The following ITGA1 variants were observed in gnomAD, a reference collection of about 807,000 sequenced individuals.
ITGA1 encodes the protein integrin alpha-1.
A neutral mutation model predicts 145.9 loss-of-function variants in ITGA1; 85 were observed. The observed-to-expected ratio is 0.58, with a 90% CI of 0.49 to 0.70. The LOEUF (loss-of-function observed/expected upper bound fraction) is 0.70. ITGA1 is among the 30% of genes least tolerant of loss of function. ITGA1 has a pLI of 0.00. For missense variants in ITGA1, 1,351 were observed against 1,418.7 expected (o/e 0.95, Z 0.77); for synonymous variants, 520 against 495.3 (o/e 1.05, Z -0.66).
intron 1 of ITGA1, among the ~76,000 whole-genome samples, chr5:52,812,861 A>G (rs1580041068): frequency 7.8e-6 from 1 of 128,858 alleles, no homozygotes; most frequent in African/African-American, 3.1e-5. Flanking sequence ...TGGAAATATG[A>G]TGCAGAAGAT....
At chr5:52,849,638 C>G (rs1749398489) in intron 2 of ITGA1, among the ~76,000 whole-genome samples, 153 bp downstream of exon 2, 1 of 140,024 alleles carries the variant, frequency 7.1e-6, no homozygotes, top group Non-Finnish European at 1.5e-5. Flanking sequence ...TGGAAGCTAA[C>G]TTAAAGTAAA....
intron 15 of ITGA1, among the ~76,000 whole-genome samples, chr5:52,916,311 A>G (rs1432912231): frequency 6.6e-6 from 1 of 152,036 alleles, no homozygotes; most frequent in Admixed American, 6.5e-5. Context: ...AAATTTCATT[A>G]AGAAATATAA....
chr5:52,795,459 C>T (rs1373076882), intron 1 of ITGA1, among the ~76,000 whole-genome samples: 1 of 151,932 alleles, frequency 6.6e-6, no homozygotes, highest in Non-Finnish European at 1.5e-5. Context: ...TTCCATCTTT[C>T]AGGAGCCCAT....
At chr5:52,939,470 G>A (rs1174197773) in intron 24 of ITGA1, 120 bp from the exon 25 acceptor site, 2 of 670,086 alleles carry the variant, frequency 3.0e-6, no homozygotes, top group Non-Finnish European at 5.2e-6. Flanking sequence ...CACTTACAAA[G>A]ATGGATCTCT....
chr5:52,838,443 T>C (rs1749198056), intron 1 of ITGA1, among the ~76,000 whole-genome samples: 1 of 152,148 alleles, frequency 6.6e-6, no homozygotes, highest in Non-Finnish European at 1.5e-5. Context: ...TATTTCATTT[T>C]GTTAGTTAGC....
chr5:52,884,399 A>T (rs1750014016), intron 7 of ITGA1, among the ~76,000 whole-genome samples: 1 of 151,462 alleles, frequency 6.6e-6, no homozygotes, highest in African/African-American at 2.4e-5. Flanking sequence ...GTGAGCCAAG[A>T]TCGTGCCACT....
At chr5:52,889,132 G>A (rs566258506) in intron 8 of ITGA1, among the ~76,000 whole-genome samples, 1 of 150,896 alleles carries the variant, frequency 6.6e-6, no homozygotes, top group African/African-American at 2.4e-5. Context: ...ATGGAGTCTC[G>A]CTCTGTCACC....
chr5:52,923,866 C>CT (rs1750766023), intron 18 of ITGA1, among the ~76,000 whole-genome samples: 1 of 152,206 alleles, frequency 6.6e-6, no homozygotes, highest in South Asian at 2.1e-4. Context: ...ATCAGCAGTG[C>CT]TGATCCATCT....
intron 6 of ITGA1, among the ~76,000 whole-genome samples, chr5:52,876,026 G>T (rs369632404): frequency 6.6e-6 from 1 of 151,978 alleles, no homozygotes; most frequent in African/African-American, 2.4e-5. Context: ...TTTTGAGCTG[G>T]CTTTCAGATT....
chr5:52,922,961 T>C (rs1012489711), intron 18 of ITGA1, 74 bp downstream of exon 18: 3 of 881,786 alleles, frequency 3.4e-6, no homozygotes, highest in East Asian at 4.8e-5. Flanking sequence ...CTGTGTTTTT[T>C]CACTACTCTG....
At chr5:52,839,974 T>C (rs915295572) in intron 1 of ITGA1, among the ~76,000 whole-genome samples, 1 of 152,164 alleles carries the variant, frequency 6.6e-6, no homozygotes, top group Non-Finnish European at 1.5e-5. Context: ...TTAAATAGTA[T>C]AGGAGAATCA....
chr5:52,800,776 G>T, intron 1 of ITGA1: 2 of 1,614,130 alleles, frequency 1.2e-6, no homozygotes, highest in African/African-American at 1.3e-5. Context: ...CATCGAGCAG[G>T]CCTGTGACCC....
chr5:52,937,149 T>C (rs1395533478), intron 23 of ITGA1, among the ~76,000 whole-genome samples: 1 of 151,980 alleles, frequency 6.6e-6, no homozygotes, highest in East Asian at 1.9e-4. Flanking sequence ...CCTAGGTCTA[T>C]TAAGAGAATG....
chr5:52,881,823 G>T, intron 6 of ITGA1, 50 bp from the exon 7 acceptor site: 2 of 1,542,616 alleles, frequency 1.3e-6, no homozygotes, highest in Non-Finnish European at 1.8e-6. Context: ...GAAGAAATCT[G>T]AACAGGAAAT....
At chr5:52,927,212 A>G (rs1750825488) in intron 19 of ITGA1, among the ~76,000 whole-genome samples, 1 of 152,182 alleles carries the variant, frequency 6.6e-6, no homozygotes, top group Non-Finnish European at 1.5e-5. Context: ...GCTCTTATCC[A>G]CTGCACTAAA....
intron 2 of ITGA1, among the ~76,000 whole-genome samples, chr5:52,851,079 G>A (rs1307707494): frequency 6.6e-6 from 1 of 152,200 alleles, no homozygotes; most frequent in Admixed American, 6.5e-5. Context: ...TTAAAGAGGA[G>A]TATAGCAAAT....
At chr5:52,801,656 C>G in intron 1 of ITGA1, 1 of 1,614,164 alleles carries the variant, frequency 6.2e-7, no homozygotes, top group Non-Finnish European at 8.5e-7. Context: ...GATGTAGCCA[C>G]ACGGAGCCGG....
At chr5:52,843,877 AAG>A (rs1330029617) in intron 1 of ITGA1, among the ~76,000 whole-genome samples, 1 of 152,096 alleles carries the variant, frequency 6.6e-6, no homozygotes, top group Admixed American at 6.6e-5. Context: ...AATACACAAA[AAG>A]AGGGGAATGT....
At position 52,912,800 on chromosome 5, in the gene ITGA1, G is replaced by T. The variant is rs139533168; in HGVS notation, c.1857+2381G>T. ...CTCGCTCTGTCGCCCAGGCTAGACT[G>T]CAGTGGCACGATCTCAGCTTACTGC... On this transcript the variant is annotated intron_variant, in intron 14 of 28. Coordinates refer to ENST00000282588, the MANE Select transcript of ITGA1 (RefSeq NM_181501.2). Among the ~76,000 whole-genome samples the T allele has an allele frequency of 3.9e-3, 590 of 149,866 alleles. 2 individuals are homozygous for T. Among genetic ancestry groups the T allele is most frequent in the African/African-American group, 0.014 (565 of 40,688 alleles).
Sources: gnomAD v4.1 joint callset for allele counts (sites outside exome capture counted in the v4.1 genomes callset) on GRCh38, gnomAD v4.1.1 for gene constraint, MANE v1.5 for transcripts, NCBI Gene and HGNC (gene_info 2026-07-23, HGNC 2026-07-21) for gene names.